TSNARE1: variants seen among roughly 807,000 people sequenced by gnomAD.
TSNARE1 encodes the protein t-SNARE domain containing 1.
TSNARE1 carries 49 observed loss-of-function variants against 62.0 expected under a neutral mutation model. That is an observed-to-expected ratio of 0.79 (90% confidence interval 0.63 to 1.00). TSNARE1 has a LOEUF of 1.00. TSNARE1 is among the 50% of genes least tolerant of loss of function. The pLI, the probability that TSNARE1 is intolerant of heterozygous loss-of-function variation, is 0.00. For missense variants in TSNARE1, 755 were observed against 700.1 expected, an observed-to-expected ratio of 1.08 and a Z score of -0.88; for synonymous variants, 328 against 294.4, an observed-to-expected ratio of 1.11 and a Z score of -1.17.
At chr8:142,214,240 G>A (rs1313406157) in intron 13 of TSNARE1, among the ~76,000 whole-genome samples, 1 of 152,176 alleles carries the variant, frequency 6.6e-6, no homozygotes, top group Non-Finnish European at 1.5e-5. Flanking sequence ...CTGGAGTCAG[G>A]GCAGACCCCG....
intron 7 of TSNARE1, among the ~76,000 whole-genome samples, chr8:142,317,399 A>C (rs1005859486): frequency 6.7e-6 from 1 of 149,614 alleles, no homozygotes; most frequent in Non-Finnish European, 1.5e-5. Context: ...TGTACGCGTG[A>C]AGCGGGTATG....
At chr8:142,331,502 G>A (rs1056021959) in intron 5 of TSNARE1, among the ~76,000 whole-genome samples, 39 of 152,198 alleles carry the variant, frequency 2.6e-4, no homozygotes, top group Non-Finnish European at 4.9e-4. Flanking sequence ...CAGCGGGAGC[G>A]GTACCCGGCC....
Position 142,214,303 on chromosome 8 carries a change from G to C in TSNARE1, c.*12-1990C>G, listed in dbSNP as rs545651074. ...CCATCCACACCACAGGGCCTCCCTGGACCCTTCATTCCGCCATGGGGCTCG... is the reference window on the plus strand; with the variant it reads ...CCATCCACACCACAGGGCCTCCCTGCACCCTTCATTCCGCCATGGGGCTCG... On this transcript the variant is annotated intron_variant, in intron 13 of 13. Transcript: ENST00000524325. 2.6e-5 allele frequency among the ~76,000 whole-genome samples: 4 copies of C among 152,328 alleles called. No homozygotes were observed. The South Asian group carries it at 8.3e-4, about 32-fold the overall frequency.
intron 2 of TSNARE1, among the ~76,000 whole-genome samples, chr8:142,350,839 G>C (rs1834001281): frequency 1.3e-5 from 2 of 152,366 alleles, no homozygotes; most frequent in Admixed American, 6.5e-5. Context: ...GGGAAATAAA[G>C]AGATGGAGGG....
intron 1 of TSNARE1, among the ~76,000 whole-genome samples, chr8:142,378,588 T>C (rs1367081353): frequency 3.3e-5 from 5 of 152,168 alleles, no homozygotes; most frequent in African/African-American, 9.7e-5. Context: ...GGCATGAGCC[T>C]TGAATCCACC....
chr8:142,288,589 G>A (rs1489417515), intron 10 of TSNARE1, among the ~76,000 whole-genome samples: 1 of 152,264 alleles, frequency 6.6e-6, no homozygotes, highest in Non-Finnish European at 1.5e-5. Context: ...CGAGGATGCG[G>A]CTGACAGGAG....
chr8:142,340,292 AACCCT>A (rs1289414341), intron 4 of TSNARE1, among the ~76,000 whole-genome samples: 1 of 152,216 alleles, frequency 6.6e-6, no homozygotes, highest in African/African-American at 2.4e-5. Context: ...TGATGGCAGG[AACCCT>A]ACTTTATAGA....
intron 4 of TSNARE1, among the ~76,000 whole-genome samples, chr8:142,338,440 A>C (rs4076886): frequency 0.48 from 72,692 of 151,742 alleles, 20,385 homozygotes; most frequent in African/African-American, 0.77. Flanking sequence ...GCACCGAGCC[A>C]CCCTGGACAC....
chr8:142,279,739 G>A (rs1022670746), intron 11 of TSNARE1: 10 of 366,576 alleles, frequency 2.7e-5, no homozygotes, highest in African/African-American at 2.2e-4. Context: ...GGGCCTCTGG[G>A]TCTCCCTCGG....
At chr8:142,264,951 G>A (rs1390480794) in intron 12 of TSNARE1, among the ~76,000 whole-genome samples, 2 of 152,024 alleles carry the variant, frequency 1.3e-5, no homozygotes, top group East Asian at 1.9e-4. Flanking sequence ...TTTTTCTTCT[G>A]TGTTATCTGC....
chr8:142,356,136 G>A lies in TSNARE1; in HGVS notation c.-39-1373C>T, dbSNP rs192190988. On this transcript the variant is annotated intron_variant, in intron 1 of 13. Transcript: ENST00000524325. The stretch of plus-strand genomic sequence containing the variant: ...CAAAACAAAACCCCTCAGAGACAGC[G>A]GTGCCGTCCTACAGTCGTGGCACCC... Among the ~76,000 whole-genome samples the A allele has an allele frequency of 2.1e-3, 321 of 152,282 alleles. 1 individual carries two copies. Among genetic ancestry groups the A allele is most frequent in the Non-Finnish European group, 3.7e-3 (250 of 68,026 alleles).
chr8:142,253,364 A>C (rs917398126), intron 12 of TSNARE1, among the ~76,000 whole-genome samples: 1 of 152,208 alleles, frequency 6.6e-6, no homozygotes, highest in African/African-American at 2.4e-5. Flanking sequence ...AAAGGCACAG[A>C]CAAGGTTCCG....
chr8:142,266,783 C>T (rs1374350701), intron 12 of TSNARE1, among the ~76,000 whole-genome samples: 1 of 152,232 alleles, frequency 6.6e-6, no homozygotes, highest in African/African-American at 2.4e-5. Flanking sequence ...CTCCATTTCA[C>T]TGATCCTCCT....
chr8:142,328,773 G>A (rs544895659), intron 6 of TSNARE1, among the ~76,000 whole-genome samples: 15 of 149,200 alleles, frequency 1.0e-4, no homozygotes, highest in South Asian at 6.7e-4. Flanking sequence ...GGATCGCAAC[G>A]TGGCCACTGG....
intron 10 of TSNARE1, among the ~76,000 whole-genome samples, chr8:142,290,549 C>T (rs1823583195): frequency 6.6e-6 from 1 of 152,242 alleles, no homozygotes; most frequent in Non-Finnish European, 1.5e-5. Flanking sequence ...GAAGTCAAAA[C>T]ATCACTGCAT....
In TSNARE1 at chr8:142,269,979, G is replaced by A. The variant is rs546125577; in HGVS notation, c.1446+4802C>T. 9 of 985,370 alleles carry A rather than the reference G, an allele frequency of 9.1e-6. No homozygotes were observed. In the East Asian group the frequency reaches 3.4e-4, roughly 37 times the overall value. 61.0% of individuals were successfully genotyped at this position (985,370 alleles called of 1,614,324 possible). A position where few individuals can be genotyped will look rare whatever the true frequency, so the allele number is the denominator to read the frequency against. ...GGGATGCTGTAGTCTTTTGACTCTC[G>A]GCTGTGCCAGAGCTTCCCCGGAAGC... On this transcript the variant is annotated intron_variant, in intron 12 of 13. Transcript: ENST00000524325.
chr8:142,249,941 T>A (rs998940180), intron 12 of TSNARE1, among the ~76,000 whole-genome samples: 28 of 152,196 alleles, frequency 1.8e-4, no homozygotes, highest in Non-Finnish European at 2.9e-5. Flanking sequence ...TGCAGCTTAA[T>A]AGCCTGGGCT....
At chr8:142,332,592 C>G (rs964861298) in intron 4 of TSNARE1, among the ~76,000 whole-genome samples, 1 of 152,164 alleles carries the variant, frequency 6.6e-6, no homozygotes, top group Non-Finnish European at 1.5e-5. Context: ...ATCTACAGAA[C>G]ACTATGAGGA....
At chr8:142,238,647 C>T (rs1817548573) in intron 12 of TSNARE1, among the ~76,000 whole-genome samples, 1 of 152,000 alleles carries the variant, frequency 6.6e-6, no homozygotes, top group Admixed American at 6.5e-5. Flanking sequence ...CCAAGCCACA[C>T]TCCTCCTGCC....
Sources: gnomAD v4.1 joint callset for allele counts (sites outside exome capture counted in the v4.1 genomes callset) on GRCh38, gnomAD v4.1.1 for gene constraint, MANE v1.5 for transcripts, NCBI Gene and HGNC (gene_info 2026-07-23, HGNC 2026-07-21) for gene names.